Variants in COPB1 observed in about 807,000 individuals in gnomAD.
COPB1 encodes the protein coatomer subunit beta.
In COPB1, 21 loss-of-function variants were observed where a neutral mutation model predicts 108.7. The ratio of observed to expected loss-of-function variants is 0.19; its 90% CI spans 0.14 to 0.28. The LOEUF (loss-of-function observed/expected upper bound fraction) is 0.28, where lower values mean the gene tolerates loss of function less well. Ranked by LOEUF, COPB1 falls within the 10% of genes least tolerant of loss-of-function variation. COPB1 has a pLI of 1.00. For missense variants in COPB1, 919 were observed against 1,141.3 expected (o/e 0.81, Z 2.81); for synonymous variants, 378 against 386.8 (o/e 0.98, Z 0.27).
intron 11 of COPB1, chr11:14,478,808 TA>T (rs1850588520): frequency 6.6e-6 from 1 of 151,938 alleles, no homozygotes; most frequent in Non-Finnish European, 1.5e-5. Flanking sequence ...ATCTTTCCCC[TA>T]AGATTTTAAT....
In COPB1 at chr11:14,493,540, T is replaced by A. The variant is rs1049632648; in HGVS notation, c.491+102A>T. On this transcript the variant is annotated intron_variant, in intron 4 of 21. Transcript: ENST00000439561. ...TACAGTGCTGGCCATACAAAATATA[T>A]CTTCAAGCTATATTCAGTCTGCAAG... 5 of 944,446 alleles carry A rather than the reference T, an allele frequency of 5.3e-6. No individual in the cohort carries two copies. In the African/African-American group the frequency reaches 8.5e-5, roughly 16 times the overall value. The allele number at this position is 944,446 out of a possible 1,614,324, so 58.5% of individuals were successfully genotyped here. A position where few individuals can be genotyped will look rare whatever the true frequency, so the allele number is the denominator to read the frequency against.
rs567520396 is a variant in COPB1 at position 14,497,181 on chromosome 11, G to A, written c.91+1657C>T. 9.9e-5 allele frequency among the ~76,000 whole-genome samples: 15 copies of A among 151,978 alleles called. No individual in the cohort carries two copies. The South Asian group carries it at 1.7e-3, about 17-fold the overall frequency. On this transcript the variant is annotated intron_variant, in intron 2 of 21. Transcript: ENST00000439561. ...AGGCACAGGCAACCAAAGCAAAAAC[G>A]GACAAATGGGATCACATCAAGTTAA...
chr11:14,487,503 C>T (rs1850800230), intron 6 of COPB1, among the ~76,000 whole-genome samples: 1 of 151,918 alleles, frequency 6.6e-6, no homozygotes, highest in African/African-American at 2.4e-5. Context: ...GGTGAAACCC[C>T]GTCTCTACTA....
At position 14,475,923 on chromosome 11, in the gene COPB1, A is replaced by G; in HGVS notation, c.1478T>C (p.Ile493Thr). Reference sequence around the variant, plus strand: ...TTTTAATTCACCAGCTTCTTTCTTTATTTCTGACTCTACAATTGGGATCTA... The same window carrying G: ...TTTTAATTCACCAGCTTCTTTCTTTGTTTCTGACTCTACAATTGGGATCTA... Reference protein sequence around the residue: ...LGEIPIVESEIKKEAGELKPE... With the variant: ...LGEIPIVESETKKEAGELKPE... The change falls in exon 13 of 22, where the codon ATA becomes ACA. Residue 493 changes from isoleucine (I) to threonine (T), a missense_variant. Physicochemically the swap from Ile to Thr is moderately conservative, Grantham distance 89. Around this residue, in one of 5 missense-constraint regions of COPB1, gnomAD observed 705 missense variants for 817.8 expected, o/e 0.86. Transcript: ENST00000439561. 6.2e-7 allele frequency: 1 copy of G among 1,609,270 alleles called. No homozygotes were observed. Among genetic ancestry groups the G allele is most frequent in the Non-Finnish European group, 8.5e-7 (1 of 1,178,614 alleles).
intron 5 of COPB1, 140 bp from the exon 6 acceptor site, chr11:14,488,724 A>T: frequency 2.3e-6 from 1 of 432,856 alleles, no homozygotes; most frequent in Non-Finnish European, 4.1e-6. Flanking sequence ...CTGGGAAAAA[A>T]ATCAAGAATA....
intron 11 of COPB1, among the ~76,000 whole-genome samples, chr11:14,479,197 C>G (rs1309616281): frequency 6.6e-6 from 1 of 152,130 alleles, no homozygotes; most frequent in Non-Finnish European, 1.5e-5. Context: ...CAAAGGCTCT[C>G]TGAAGGGAAA....
intron 19 of COPB1, among the ~76,000 whole-genome samples, 183 bp from the exon 20 acceptor site, chr11:14,460,480 G>A (rs760139263): frequency 2.0e-4 from 30 of 151,922 alleles, no homozygotes; most frequent in Non-Finnish European, 3.2e-4. Context: ...CTTCCCAATA[G>A]AGATAACTTC....
chr11:14,479,744 A>G, intron 10 of COPB1, 30 bp from the exon 11 acceptor site: 1 of 1,542,892 alleles, frequency 6.5e-7, no homozygotes, highest in Non-Finnish European at 8.7e-7. Context: ...AAGAAAATGG[A>G]ACTAACAATT....
rs1049202656 is a variant in COPB1, at chr11:14,475,778, A to T, written c.1616+7T>A. ...ACAGCTGGCAGGGTATATGTGCCATAAATTACCTGTCTTCCTCTTTCTTGG... is the reference window on the plus strand; with the variant it reads ...ACAGCTGGCAGGGTATATGTGCCATTAATTACCTGTCTTCCTCTTTCTTGG... On this transcript the variant is annotated splice_region_variant and intron_variant, in intron 13 of 21. Coordinates refer to ENST00000439561, the MANE Select transcript of COPB1 (RefSeq NM_001144061.2). 2.6e-6 allele frequency: 4 copies of T among 1,551,154 alleles called. No homozygotes were observed. The highest frequency in any genetic ancestry group is 3.5e-6 in the Non-Finnish European group (4 of 1,151,886).
Position 14,464,942 on chromosome 11 carries a change from T to C in COPB1, c.2379A>G (p.Ser793=). ...TACCAAAAATTATTCCATTTTCTGT[T>C]GATGCTACTTTGACGTTAGCTTTAA... The part of the protein sequence containing the change: ...ANIKANVKVA[S]TENGIIFGNI... Residue 793 remains serine (S), a synonymous_variant, in exon 18 of 22, where the codon TCA becomes TCG. Transcript: ENST00000439561. The C allele has an allele frequency of 6.2e-7, 1 of 1,613,530 alleles. No homozygotes were observed. Among genetic ancestry groups the C allele is most frequent in the Non-Finnish European group, 8.5e-7 (1 of 1,179,760 alleles).
intron 6 of COPB1, among the ~76,000 whole-genome samples, chr11:14,486,882 A>G (rs1195847336): frequency 6.6e-6 from 1 of 152,232 alleles, no homozygotes; most frequent in East Asian, 1.9e-4. Flanking sequence ...TGAAAGAGAA[A>G]AAGAAAATGT....
rs983207792 is a variant in COPB1, at chr11:14,484,187, A to C, written c.838-1036T>G. 1.2e-4 allele frequency among the ~76,000 whole-genome samples: 18 copies of C among 152,362 alleles called. 1 individual carries two copies. Among genetic ancestry groups the C allele is most frequent in the Admixed American group, 1.2e-3 (18 of 15,304 alleles). On this transcript the variant is annotated intron_variant, in intron 7 of 21. Coordinates refer to ENST00000439561, the MANE Select transcript of COPB1 (RefSeq NM_001144061.2). The stretch of plus-strand genomic sequence containing the variant: ...AAATGCGTCAAGGTCATGAAAAATA[A>C]TAAGTGACTAAGAACTAGCACAGAT...
intron 6 of COPB1, among the ~76,000 whole-genome samples, chr11:14,487,776 G>C (rs1359886238): frequency 6.6e-6 from 1 of 151,916 alleles, no homozygotes; most frequent in African/African-American, 2.4e-5. Flanking sequence ...CTTGTGTTAA[G>C]AGGAGCCCCT....
chr11:14,477,891 C>G (rs1357488676), intron 11 of COPB1, among the ~76,000 whole-genome samples: 6 of 128,526 alleles, frequency 4.7e-5, no homozygotes, highest in African/African-American at 1.8e-4. Flanking sequence ...AGCAAGACTC[C>G]ATCTCAAAAA....
intron 2 of COPB1, among the ~76,000 whole-genome samples, chr11:14,496,298 G>A (rs1317825959): frequency 6.6e-6 from 1 of 151,720 alleles, no homozygotes; most frequent in Non-Finnish European, 1.5e-5. Context: ...CTCACAAAAA[G>A]GAGACACGGT....
chr11:14,462,233 C>CTTTTTTTTTTTT (rs928263474), intron 18 of COPB1, among the ~76,000 whole-genome samples: 1 of 134,198 alleles, frequency 7.5e-6, no homozygotes, highest in East Asian at 2.1e-4. Context: ...CTTTTCTTTT[C>CTTTTTTTTTTTT]TTTTTTTTTT....
intron 2 of COPB1, chr11:14,494,737 T>C: frequency 3.9e-6 from 1 of 258,396 alleles, no homozygotes; most frequent in Admixed American, 5.0e-5. Flanking sequence ...TCTACAGTCA[T>C]ACCAAGTAAA....
chr11:14,495,646 G>A (rs1023678925), intron 2 of COPB1, among the ~76,000 whole-genome samples: 1 of 152,220 alleles, frequency 6.6e-6, no homozygotes, highest in African/African-American at 2.4e-5. Context: ...TTACAGGCAT[G>A]AGCCACCATG....
In COPB1 at chr11:14,460,785, C is replaced by G. The variant is rs551242733; in HGVS notation, c.2556+401G>C. Among the ~76,000 whole-genome samples the G allele has an allele frequency of 3.3e-5, 5 of 152,084 alleles. No individual in the cohort carries two copies. The East Asian group carries it at 9.6e-4, about 29-fold the overall frequency. On this transcript the variant is annotated intron_variant, in intron 19 of 21. Transcript: ENST00000439561. ...TCCCAAAGTGCTGGGATTACAGGCA[C>G]GAGCTACCGTGCCCAGCCTCATATA... is the stretch of plus-strand genomic sequence containing the variant.
Sources: gnomAD v4.1 joint callset for allele counts (sites outside exome capture counted in the v4.1 genomes callset) on GRCh38, gnomAD v4.1.1 for gene constraint, gnomAD v4.1.1 regional missense constraint, MANE v1.5 for transcripts, NCBI Gene and HGNC (gene_info 2026-07-23, HGNC 2026-07-21) for gene names.